Variants in PTPRD observed in about 807,000 individuals in gnomAD.
PTPRD encodes receptor-type tyrosine-protein phosphatase delta.
PTPRD carries 34 observed loss-of-function variants against 214.5 expected under a neutral mutation model. The observed-to-expected ratio is 0.16, with a 90% CI of 0.12 to 0.21. The LOEUF (loss-of-function observed/expected upper bound fraction) is 0.21, where lower values mean the gene tolerates loss of function less well. Among genes scored for constraint, PTPRD ranks in the 10% least tolerant of loss-of-function variants. PTPRD has a pLI of 1.00. For missense variants in PTPRD, 2,545 were observed against 2,398.7 expected (o/e 1.06, Z -1.27); for synonymous variants, 1,128 against 845.7 (o/e 1.33, Z -5.79).
At chr9:9,628,848 C>T (rs1034039805) in intron 7 of PTPRD, among the ~76,000 whole-genome samples, 5 of 151,528 alleles carry the variant, frequency 3.3e-5, no homozygotes, top group African/African-American at 4.8e-5. Context: ...TATCATAATA[C>T]ATATTTATAT....
intron 8 of PTPRD, among the ~76,000 whole-genome samples, chr9:9,499,961 T>G (rs966808160): frequency 8.5e-5 from 13 of 152,068 alleles, no homozygotes; most frequent in Non-Finnish European, 1.9e-4. Context: ...AATAAACATT[T>G]GGAAGAGAAC....
At chr9:8,631,499 G>A (rs931241893) in intron 14 of PTPRD, among the ~76,000 whole-genome samples, 13 of 151,688 alleles carry the variant, frequency 8.6e-5, no homozygotes, top group Non-Finnish European at 1.2e-4. Context: ...CTGGATTATC[G>A]GAATGTCTCT....
intron 8 of PTPRD, among the ~76,000 whole-genome samples, chr9:9,514,908 A>T (rs1361362854): frequency 6.6e-6 from 1 of 152,106 alleles, no homozygotes; most frequent in East Asian, 1.9e-4. Context: ...TGTCATACCT[A>T]AACAAATACT....
At chr9:8,806,953 A>T (rs1385546094) in intron 11 of PTPRD, among the ~76,000 whole-genome samples, 2 of 152,180 alleles carry the variant, frequency 1.3e-5, no homozygotes, top group Non-Finnish European at 2.9e-5. Flanking sequence ...GACAACTAAA[A>T]TGTAGGAAGA....
chr9:10,321,746 G>A (rs2096556790), intron 3 of PTPRD, among the ~76,000 whole-genome samples: 1 of 152,052 alleles, frequency 6.6e-6, no homozygotes. Context: ...TGCCACCCAA[G>A]TAGATTAATA....
chr9:10,149,826 G>T (rs2099048615), intron 3 of PTPRD, among the ~76,000 whole-genome samples: 1 of 151,656 alleles, frequency 6.6e-6, no homozygotes, highest in Non-Finnish European at 1.5e-5. Flanking sequence ...TGCCTCCCGG[G>T]TTCAAGCAAT....
At chr9:10,102,978 C>T (rs1323178897) in intron 3 of PTPRD, among the ~76,000 whole-genome samples, 2 of 151,630 alleles carry the variant, frequency 1.3e-5, no homozygotes, top group Non-Finnish European at 3.0e-5. Flanking sequence ...CTTCAAAACA[C>T]ACACTTTATG....
At chr9:9,173,197 T>A (rs564154706) in intron 10 of PTPRD, among the ~76,000 whole-genome samples, 1 of 152,256 alleles carries the variant, frequency 6.6e-6, no homozygotes, top group South Asian at 2.1e-4. Context: ...CTCCTTACTT[T>A]CTTCAGAGTT....
intron 14 of PTPRD, among the ~76,000 whole-genome samples, chr9:8,553,613 C>G (rs2082772842): frequency 6.6e-6 from 1 of 152,016 alleles, no homozygotes; most frequent in Admixed American, 6.6e-5. Context: ...TGGAGTATAC[C>G]TTTATGACAG....
intron 33 of PTPRD, among the ~76,000 whole-genome samples, chr9:8,451,230 T>C (rs1411267463): frequency 2.6e-5 from 4 of 152,212 alleles, no homozygotes; most frequent in Admixed American, 1.3e-4. Flanking sequence ...TACATTTTCA[T>C]GGCTAAGTCC....
chr9:9,175,630 A>ACAAAC (rs145486992), intron 10 of PTPRD, among the ~76,000 whole-genome samples: 63,393 of 141,654 alleles, frequency 0.45, 15,924 homozygotes, highest in South Asian at 0.61. Flanking sequence ...CTCAAAAAAA[A>ACAAAC]AAAAAAAAAA....
Position 8,929,845 on chromosome 9 carries a change from GTGTA to G in PTPRD, c.-104+88848_-104+88851del, listed in dbSNP as rs1207477104. ...TGTATATATATGTGTATATATATGT[GTGTA>G]TATATATGTGTATATACATGTGTGT... is the stretch of plus-strand genomic sequence containing the variant. On this transcript the variant is annotated intron_variant, in intron 11 of 45. Transcript: ENST00000381196. Among the ~76,000 whole-genome samples the G allele has an allele frequency of 5.1e-3, 658 of 127,818 alleles. 1 individual carries two copies. The highest frequency in any genetic ancestry group is 0.021 in the African/African-American group (601 of 28,672). The allele number at this position is 127,818 out of a possible 152,430, so 83.9% of individuals were successfully genotyped here. A position where few individuals can be genotyped will look rare whatever the true frequency, so the allele number is the denominator to read the frequency against.
At chr9:10,347,846 T>A (rs1597709145) in intron 2 of PTPRD, among the ~76,000 whole-genome samples, 1 of 151,912 alleles carries the variant, frequency 6.6e-6, no homozygotes, top group Non-Finnish European at 1.5e-5. Flanking sequence ...TCATCTGAGG[T>A]CAGGAGTTTG....
intron 35 of PTPRD, among the ~76,000 whole-genome samples, chr9:8,406,402 G>A (rs2092983694): frequency 6.6e-6 from 1 of 152,166 alleles, no homozygotes; most frequent in Admixed American, 6.5e-5. Context: ...TCTGTTGTCT[G>A]ATTGAAATCC....
intron 2 of PTPRD, among the ~76,000 whole-genome samples, chr9:10,515,862 C>T (rs1293099269): frequency 2.0e-5 from 3 of 151,798 alleles, no homozygotes; most frequent in Non-Finnish European, 4.4e-5. Context: ...CTTATTTTAC[C>T]TAGCATAATA....
chr9:10,555,090 T>C (rs2062210807), intron 2 of PTPRD, among the ~76,000 whole-genome samples: 1 of 152,092 alleles, frequency 6.6e-6, no homozygotes, highest in South Asian at 2.1e-4. Context: ...CCAGCTAGAG[T>C]CTTTGTAAAA....
At chr9:10,340,860 G>A (rs1200104593) in intron 3 of PTPRD, 103 bp downstream of exon 3, 1 of 151,920 alleles carries the variant, frequency 6.6e-6, no homozygotes, top group African/African-American at 2.4e-5. Context: ...TAAGAACATG[G>A]TTTCATGTTT....
intron 9 of PTPRD, among the ~76,000 whole-genome samples, chr9:9,321,932 C>G (rs942314121): frequency 4.6e-5 from 7 of 152,124 alleles, no homozygotes; most frequent in African/African-American, 1.7e-4. Context: ...CTTTATCGCT[C>G]TCATTAAAAT....
chr9:8,445,036 G>A (rs1021740175), intron 34 of PTPRD, among the ~76,000 whole-genome samples: 9 of 152,084 alleles, frequency 5.9e-5, no homozygotes, highest in African/African-American at 1.9e-4. Context: ...TTGATCAGCA[G>A]TTAATAATTC....
Sources: gnomAD v4.1 joint callset for allele counts (sites outside exome capture counted in the v4.1 genomes callset) on GRCh38, gnomAD v4.1.1 for gene constraint, MANE v1.5 for transcripts, NCBI Gene and HGNC (gene_info 2026-07-23, HGNC 2026-07-21) for gene names.